CCDC171: variants seen among roughly 807,000 people sequenced by gnomAD.
The protein encoded by CCDC171 is coiled-coil domain-containing protein 171.
Under a neutral mutation model 168.2 loss-of-function variants are expected in CCDC171, and 177 were observed. That is an observed-to-expected ratio of 1.05 (90% confidence interval 0.93 to 1.19). CCDC171 has a LOEUF of 1.19. CCDC171 is among the 50% of genes most tolerant of loss of function. The probability of loss-of-function intolerance (pLI) is 0.00; values close to 1 mark genes in which losing one functional copy is unlikely to be tolerated. For missense variants in CCDC171, 1,991 were observed against 1,539.0 expected, an observed-to-expected ratio of 1.29 and a Z score of -4.91; for synonymous variants, 687 against 540.8, an observed-to-expected ratio of 1.27 and a Z score of -3.75.
chr9:15,961,533 A>T (rs554584264), intron 25 of CCDC171, among the ~76,000 whole-genome samples: 19 of 152,322 alleles, frequency 1.2e-4, no homozygotes, highest in Admixed American at 9.8e-4. Context: ...TGTTTACTCA[A>T]TGTAAAACTG....
chr9:15,754,735 G>A (rs185513447), intron 18 of CCDC171, among the ~76,000 whole-genome samples: 203 of 152,094 alleles, frequency 1.3e-3, no homozygotes, highest in Non-Finnish European at 2.4e-3. Flanking sequence ...ATATAAAATG[G>A]GGAAAGTAGT....
intron 10 of CCDC171, among the ~76,000 whole-genome samples, chr9:15,679,243 C>G (rs975411336): frequency 2.0e-5 from 3 of 152,120 alleles, no homozygotes; most frequent in Admixed American, 1.3e-4. Context: ...ATTTCAAAGA[C>G]TTCCTTTTGT....
chr9:15,768,633 C>G (rs1191612363), intron 18 of CCDC171, among the ~76,000 whole-genome samples: 2 of 152,154 alleles, frequency 1.3e-5, no homozygotes, highest in East Asian at 1.9e-4. Flanking sequence ...AAATTTAAAC[C>G]TCATGTAATC....
intron 2 of CCDC171, among the ~76,000 whole-genome samples, chr9:15,569,769 C>T (rs1351493722): frequency 1.3e-5 from 2 of 151,138 alleles, no homozygotes; most frequent in Admixed American, 6.6e-5. Context: ...GAGCCGAGAT[C>T]GTGCCACTGC....
chr9:15,677,806 TACAC>T (rs576144654), intron 9 of CCDC171, among the ~76,000 whole-genome samples: 7 of 136,910 alleles, frequency 5.1e-5, no homozygotes, highest in African/African-American at 1.6e-4. Context: ...CTCATATATA[TACAC>T]ACACACACGC....
At chr9:15,991,678 G>A (rs7871039) in intron 3 of CCDC171, among the ~76,000 whole-genome samples, 7,324 of 152,006 alleles carry the variant, frequency 0.048, 376 homozygotes, top group African/African-American at 0.12. Flanking sequence ...TTGATAGACC[G>A]CTAGCAGACT....
intron 7 of CCDC171, among the ~76,000 whole-genome samples, chr9:15,632,195 A>T (rs1230641202): frequency 2.1e-5 from 3 of 145,718 alleles, no homozygotes; most frequent in South Asian, 4.8e-4. Flanking sequence ...AGAAGGAAAT[A>T]AAGGGTATTC....
chr9:16,074,876 T>C, the CCDC171 span, among the ~76,000 whole-genome samples: 1 of 152,162 alleles, frequency 6.6e-6, no homozygotes, highest in African/African-American at 2.4e-5. Context: ...AGCCCTGATA[T>C]TGGACTTTAT....
intron 21 of CCDC171, among the ~76,000 whole-genome samples, chr9:15,800,561 T>C (rs899549778): frequency 6.6e-6 from 1 of 152,166 alleles, no homozygotes; most frequent in African/African-American, 2.4e-5. Flanking sequence ...ATTCAGTGGG[T>C]TGTGTCTTCA....
At chr9:16,086,670 A>G in the CCDC171 span, among the ~76,000 whole-genome samples, 2 of 152,178 alleles carry the variant, frequency 1.3e-5, no homozygotes, top group Admixed American at 6.5e-5. Context: ...AACAGCTCCT[A>G]GATTCATTGA....
At chr9:16,090,788 G>C in the CCDC171 span, among the ~76,000 whole-genome samples, 1 of 152,142 alleles carries the variant, frequency 6.6e-6, no homozygotes, top group Non-Finnish European at 1.5e-5. Context: ...CTGATATAAA[G>C]AGACTCTTAA....
At chr9:15,797,154 G>C (rs2058597450) in intron 21 of CCDC171, among the ~76,000 whole-genome samples, 2 of 152,050 alleles carry the variant, frequency 1.3e-5, no homozygotes, top group South Asian at 2.1e-4. Flanking sequence ...TCATCTTCTA[G>C]TGTACTTAGT....
chr9:15,642,998 T>C (rs561389724), intron 7 of CCDC171, among the ~76,000 whole-genome samples: 1 of 152,252 alleles, frequency 6.6e-6, no homozygotes, highest in South Asian at 2.1e-4. Flanking sequence ...CTTTTTGGAA[T>C]CTGAGAAAAT....
chr9:15,575,073 T>C (rs1357104664), intron 3 of CCDC171, among the ~76,000 whole-genome samples: 1 of 151,538 alleles, frequency 6.6e-6, no homozygotes, highest in Non-Finnish European at 1.5e-5. Flanking sequence ...TATTCAGATA[T>C]CTCATTGGCC....
At chr9:15,801,649 T>C (rs927121698) in intron 21 of CCDC171, among the ~76,000 whole-genome samples, 7 of 152,074 alleles carry the variant, frequency 4.6e-5, no homozygotes, top group African/African-American at 1.7e-4. Context: ...CTTCCAGTAC[T>C]ATGTCATGTA....
intron 21 of CCDC171, among the ~76,000 whole-genome samples, chr9:15,786,788 A>T (rs1437809728): frequency 6.6e-6 from 1 of 152,110 alleles, no homozygotes; most frequent in East Asian, 1.9e-4. Flanking sequence ...CTAACTGATC[A>T]ATCAACCTTA....
intron 11 of CCDC171, among the ~76,000 whole-genome samples, chr9:15,701,379 A>G (rs546804520): frequency 6.6e-6 from 1 of 152,138 alleles, no homozygotes; most frequent in East Asian, 1.9e-4. Flanking sequence ...TTCAGGTCTT[A>G]TGTTTGAGTC....
intron 25 of CCDC171, among the ~76,000 whole-genome samples, chr9:15,964,205 T>C (rs1830593705): frequency 6.6e-6 from 1 of 152,178 alleles, no homozygotes; most frequent in African/African-American, 2.4e-5. Flanking sequence ...TCTTAATAAA[T>C]ATGCTACCCT....
intron 7 of CCDC171, among the ~76,000 whole-genome samples, chr9:15,653,196 G>T (rs1466687962): frequency 6.6e-6 from 1 of 152,160 alleles, no homozygotes; most frequent in Non-Finnish European, 1.5e-5. Context: ...TTGGAGTGCA[G>T]TAGCACCATG....
Sources: allele counts gnomAD v4.1 joint callset (sites outside exome capture counted in the v4.1 genomes callset), GRCh38; gene constraint gnomAD v4.1.1; transcripts MANE v1.5; gene names NCBI Gene and HGNC (gene_info 2026-07-23, HGNC 2026-07-21).